RESP18: variants seen among roughly 807,000 people sequenced by gnomAD.
RESP18 encodes the protein regulated endocrine-specific protein 18.
RESP18 carries 30 observed loss-of-function variants against 30.0 expected under a neutral mutation model. That is an observed-to-expected ratio of 1.00 (90% CI 0.75 to 1.36). The LOEUF (loss-of-function observed/expected upper bound fraction) is 1.36. Among genes scored for constraint, RESP18 ranks in the 40% most tolerant of loss-of-function variants. The probability of loss-of-function intolerance (pLI) is 0.00; values close to 1 mark genes in which losing one functional copy is unlikely to be tolerated. For missense variants in RESP18, 320 were observed against 284.2 expected, an observed-to-expected ratio of 1.13 and a Z score of -0.91; for synonymous variants, 117 against 111.2, an observed-to-expected ratio of 1.05 and a Z score of -0.33.
At position 219,333,160 on chromosome 2, in the gene RESP18, C is replaced by T. The variant is rs1334046976; in HGVS notation, c.17+1G>A. Reference sequence around the variant, plus strand: ...ATATATGGCACATCCATCCACTTTACTCCACATCCACTGCCATCGCCTTGG... The same window carrying T: ...ATATATGGCACATCCATCCACTTTATTCCACATCCACTGCCATCGCCTTGG... On this transcript the variant is annotated splice_donor_variant, in intron 1 of 6. Coordinates refer to ENST00000333527, the MANE Select transcript of RESP18 (RefSeq NM_001007089.4). LOFTEE classifies it high-confidence loss of function. 16 of 1,536,966 alleles carry T rather than the reference C, an allele frequency of 1.0e-5. No homozygotes were observed. The highest frequency in any genetic ancestry group is 2.0e-5 in the Admixed American group (1 of 50,116).
chr2:219,333,067 A>G, intron 1 of RESP18: 1 of 1,144,200 alleles, frequency 8.7e-7, no homozygotes, highest in Non-Finnish European at 1.2e-6. Flanking sequence ...GGCCCACTTA[A>G]AACCCTTTAG....
chr2:219,329,220 G>C lies in RESP18; in HGVS notation c.498C>G (p.Cys166Trp), dbSNP rs774304625. The C allele has an allele frequency of 6.4e-7, 1 of 1,551,698 alleles. No individual in the cohort carries two copies. Among genetic ancestry groups the C allele is most frequent in the South Asian group, 1.2e-5 (1 of 84,060 alleles). Residue 166 changes from cysteine (C) to tryptophan (W), a missense_variant, in exon 5 of 7, where the codon TGC becomes TGG. Coordinates refer to ENST00000333527, the MANE Select transcript of RESP18 (RefSeq NM_001007089.4). ...CCTTAGAAACCACTTCGGAGGTAAA[G>C]CACTGATCCCTGTTCACCTTGGCCA...
Position 219,329,721 on chromosome 2 carries a change from T to C in RESP18, c.381A>G (p.Gln127=). 2 of 1,551,624 alleles carry C rather than the reference T, an allele frequency of 1.3e-6. No homozygotes were observed. The highest frequency in any genetic ancestry group is 1.7e-6 in the Non-Finnish European group (2 of 1,146,968). The change falls in exon 4 of 7, where the codon CAA becomes CAG. Residue 127 remains glutamine, a synonymous_variant. Coordinates refer to ENST00000333527, the MANE Select transcript of RESP18 (RefSeq NM_001007089.4). ...GCAGTCTGCTGGCATGCTCCATCTT[T>C]TGGATCATTGCATCCTGGGTGATGT...
chr2:219,332,797 C>T (rs1952846748), intron 1 of RESP18, 53 bp from the exon 1 acceptor site: 2 of 1,351,856 alleles, frequency 1.5e-6, no homozygotes, highest in South Asian at 1.4e-5. Flanking sequence ...CCTGCGGTCG[C>T]CTCCCCAGCT....
chr2:219,329,482 G>A (rs1952807417), intron 4 of RESP18, 155 bp downstream of exon 3: 1 of 1,548,676 alleles, frequency 6.5e-7, no homozygotes, highest in Non-Finnish European at 8.7e-7. Flanking sequence ...TATCACTAAT[G>A]GATCATGAAA....
intron 1 of RESP18, among the ~76,000 whole-genome samples, 149 bp from the exon 1 acceptor site, chr2:219,332,893 G>A (rs892188588): frequency 1.3e-5 from 2 of 151,946 alleles, no homozygotes; most frequent in African/African-American, 4.8e-5. Flanking sequence ...AAGAACCACC[G>A]CCTGTACTCC....
chr2:219,329,295 G>GGT (rs1456907148), intron 4 of RESP18, 43 bp from the exon 4 acceptor site: 2 of 1,551,652 alleles, frequency 1.3e-6, no homozygotes, highest in Admixed American at 2.0e-5. Flanking sequence ...GGCAGAAAAG[G>GGT]GTGAGAGGGC....
At chr2:219,333,141 G>T in intron 1 of RESP18, 1 of 1,487,398 alleles carries the variant, frequency 6.7e-7, no homozygotes, top group Non-Finnish European at 9.1e-7. Flanking sequence ...TATTATATAT[G>T]GCACATCCAT....
chr2:219,332,454 C>T (rs569332092), intron 2 of RESP18, 70 bp downstream of exon 1: 9 of 1,178,632 alleles, frequency 7.6e-6, no homozygotes, highest in East Asian at 5.1e-5. Flanking sequence ...GCCTTGAGGC[C>T]CCCTGCAGAC....
intron 1 of RESP18, 73 bp from the exon 1 acceptor site, chr2:219,332,817 A>G (rs1952846864): frequency 3.6e-6 from 4 of 1,122,816 alleles, no homozygotes; most frequent in Non-Finnish European, 5.0e-6. Context: ...TCCTTCCCCT[A>G]CCGCCTCCCC....
chr2:219,332,194 AG>A (rs1168250378), intron 2 of RESP18, among the ~76,000 whole-genome samples: 1 of 152,134 alleles, frequency 6.6e-6, no homozygotes, highest in East Asian at 1.9e-4. Flanking sequence ...CGATACCCGC[AG>A]CCCTGGTCAA....
intron 2 of RESP18, 136 bp from the exon 2 acceptor site, chr2:219,331,011 T>G: frequency 1.7e-6 from 1 of 600,864 alleles, no homozygotes; most frequent in Non-Finnish European, 3.0e-6. Flanking sequence ...CTTTGTCCAC[T>G]TCAAGTCTTC....
At position 219,329,353 on chromosome 2, in the gene RESP18, G is replaced by A. The variant is rs575307264; in HGVS notation, c.466-101C>T. 5 of 1,551,750 alleles carry A rather than the reference G, an allele frequency of 3.2e-6. No homozygotes were observed. In the South Asian group the frequency reaches 4.8e-5, roughly 15 times the overall value. On this transcript the variant is annotated intron_variant, in intron 4 of 6. Coordinates refer to ENST00000333527, the MANE Select transcript of RESP18 (RefSeq NM_001007089.4). ...ACAAAGTCAGGGATTCACAATTCTT[G>A]AGAAGATACGTGAGTCTCACTGGGG...
intron 2 of RESP18, chr2:219,331,147 A>G (rs746532247): frequency 2.9e-6 from 1 of 341,624 alleles, no homozygotes; most frequent in Non-Finnish European, 5.4e-6. Context: ...TCAGATGCGC[A>G]GAGGCTCAGA....
intron 2 of RESP18, among the ~76,000 whole-genome samples, chr2:219,331,872 C>A (rs1261734243): frequency 4.6e-5 from 7 of 152,242 alleles, no homozygotes; most frequent in Non-Finnish European, 8.8e-5. Flanking sequence ...TGCCACCAGG[C>A]CTCCTCCCAC....
chr2:219,329,360 T>TA (rs1190792293), intron 4 of RESP18, 108 bp from the exon 4 acceptor site: 1 of 1,551,726 alleles, frequency 6.4e-7, no homozygotes, highest in Non-Finnish European at 8.7e-7. Context: ...CTTGAGAAGA[T>TA]ACGTGAGTCT....
At chr2:219,330,490 G>A (rs766428728) in intron 3 of RESP18, among the ~76,000 whole-genome samples, 2 of 151,740 alleles carry the variant, frequency 1.3e-5, no homozygotes, top group East Asian at 1.9e-4. Context: ...TGGGGTTGGG[G>A]GGAGACTAGT....
At position 219,332,532 on chromosome 2, in the gene RESP18, C is replaced by G; in HGVS notation, c.224G>C (p.Ser75Thr). ...CCAGGGTTCCTCCTGACCGTGGGCA[C>G]TAGTGTCGCTGCAGCCCCCCGGGCA... The change falls in exon 2 of 7, where the codon AGT (serine) becomes ACT (threonine). Residue 75 changes from serine to threonine, a missense_variant. Ser to Thr is a moderately conservative substitution (Grantham distance 58). Coordinates refer to ENST00000333527, the MANE Select transcript of RESP18 (RefSeq NM_001007089.4). The G allele has an allele frequency of 6.4e-7, 1 of 1,550,810 alleles. No homozygotes were observed. The highest frequency in any genetic ancestry group is 8.7e-7 in the Non-Finnish European group (1 of 1,146,800).
At chr2:219,331,999 G>C (rs567103488) in intron 2 of RESP18, among the ~76,000 whole-genome samples, 1 of 152,230 alleles carries the variant, frequency 6.6e-6, no homozygotes, top group Non-Finnish European at 1.5e-5. Context: ...TCTCGAGTGT[G>C]CGCAGTCTGG....
Sources: allele counts gnomAD v4.1 joint callset (sites outside exome capture counted in the v4.1 genomes callset), GRCh38; gene constraint gnomAD v4.1.1; transcripts MANE v1.5; gene names NCBI Gene and HGNC (gene_info 2026-07-23, HGNC 2026-07-21).